The following MICAL2 variants were observed in gnomAD, a reference collection of about 807,000 sequenced individuals.
MICAL2 encodes the protein microtubule associated monooxygenase, calponin and LIM domain containing 2.
A neutral mutation model predicts 127.3 loss-of-function variants in MICAL2; 77 were observed. That is an observed-to-expected ratio of 0.60 (90% CI 0.50 to 0.73). The LOEUF (loss-of-function observed/expected upper bound fraction) is 0.73, where lower values mean the gene tolerates loss of function less well. Among genes scored for constraint, MICAL2 ranks in the 30% least tolerant of loss-of-function variants. The pLI is 0.00. For synonymous variants in MICAL2, 570 were observed against 551.1 expected, an observed-to-expected ratio of 1.03 and a Z score of -0.48; for missense variants, 1,351 against 1,434.4, an observed-to-expected ratio of 0.94 and a Z score of 0.94.
downstream of MICAL2, among the ~76,000 whole-genome samples, chr11:12,265,678 T>C (rs184682138): frequency 2.0e-5 from 3 of 152,298 alleles, no homozygotes; most frequent in Admixed American, 1.3e-4. Context: ...TTAATATTTG[T>C]TGATTAAAGA....
chr11:12,240,523 T>C (rs1258138601), intron 17 of MICAL2, among the ~76,000 whole-genome samples: 2 of 152,158 alleles, frequency 1.3e-5, no homozygotes, highest in Admixed American at 6.5e-5. Context: ...GGAATTTTAT[T>C]ATAAGGGGGC....
Position 12,239,574 on chromosome 11 carries a change from C to G in MICAL2, c.2203C>G (p.Leu735Val). The G allele has an allele frequency of 6.2e-7, 1 of 1,614,134 alleles. No individual in the cohort carries two copies. Among genetic ancestry groups the G allele is most frequent in the Non-Finnish European group, 8.5e-7 (1 of 1,179,990 alleles). The change falls in exon 17 of 28, where the codon CTC (leucine) becomes GTC (valine). Residue 735 changes from leucine to valine, a missense_variant. Leu to Val is a conservative substitution (Grantham distance 32, BLOSUM62 1). Coordinates refer to ENST00000683283, the MANE Select transcript of MICAL2 (RefSeq NM_001282663.2). Reference sequence around the variant, plus strand: ...TGAGGAGAGCACTCGGAACCCCTCACTCATGAAGCAGGTGAGTCATGTCAA... The same window carrying G: ...TGAGGAGAGCACTCGGAACCCCTCAGTCATGAAGCAGGTGAGTCATGTCAA... ...KFEESTRNPS[L>V]MKQERRVSGI... is the part of the protein sequence containing the mutation.
At position 12,191,471 on chromosome 11, in the gene MICAL2, CA is replaced by C. The variant is rs35378255; in HGVS notation, c.265-12763del. ...CGGGCAGCAGAGCAAGACTATGTCT[CA>C]AAAAAAAAAAAAAAATGTAGGCCAG... On this transcript the variant is annotated intron_variant, in intron 3 of 27. Coordinates refer to ENST00000683283, the MANE Select transcript of MICAL2 (RefSeq NM_001282663.2). 3.9e-3 allele frequency among the ~76,000 whole-genome samples: 517 copies of C among 133,510 alleles called. 4 individuals carry two copies. Among genetic ancestry groups the C allele is most frequent in the African/African-American group, 0.013 (445 of 35,030 alleles). 87.6% of individuals were successfully genotyped at this position (133,510 alleles called of 152,430 possible).
chr11:12,190,934 C>G (rs1350128926), intron 3 of MICAL2, among the ~76,000 whole-genome samples: 1 of 152,220 alleles, frequency 6.6e-6, no homozygotes, highest in Non-Finnish European at 1.5e-5. Context: ...AAGACAGTAT[C>G]TTCTTAAATA....
At chr11:12,344,949 A>T (rs1274641580) in intron 32 of MICAL2, among the ~76,000 whole-genome samples, 1 of 151,722 alleles carries the variant, frequency 6.6e-6, no homozygotes, top group Non-Finnish European at 1.5e-5. Context: ...GTACTAAAAA[A>T]AAAAGTACAA....
intron 3 of MICAL2, among the ~76,000 whole-genome samples, chr11:12,195,641 G>A (rs1430579758): frequency 6.6e-6 from 1 of 150,468 alleles, no homozygotes. Context: ...AATGCTATTT[G>A]GAAAACTAGA....
At chr11:12,207,869 A>C in intron 4 of MICAL2, 154 bp from the exon 5 acceptor site, 3 of 634,510 alleles carry the variant, frequency 4.7e-6, no homozygotes, top group East Asian at 2.6e-5. Context: ...GAGAAAACAC[A>C]GAGCTCTTGG....
At chr11:12,142,137 G>T (rs114913933) in intron 2 of MICAL2, among the ~76,000 whole-genome samples, 3 of 152,104 alleles carry the variant, frequency 2.0e-5, no homozygotes, top group African/African-American at 7.2e-5. Flanking sequence ...TTCAGCCACC[G>T]TGCCTTCCTC....
In MICAL2 at chr11:12,159,611, C is replaced by T. The variant is rs138053035; in HGVS notation, c.-77-2468C>T. Among the ~76,000 whole-genome samples, 685 of 152,334 alleles carry T rather than the reference C, an allele frequency of 4.5e-3. 7 individuals are homozygous for T. The highest frequency in any genetic ancestry group is 0.016 in the African/African-American group (666 of 41,568). ...CTTACAGTTTTCTCTGTACTGCTTG[C>T]CTGTCCTCAGAAAAGACTGTAGTGT... On this transcript the variant is annotated intron_variant, in intron 2 of 27. Coordinates refer to ENST00000683283, the MANE Select transcript of MICAL2 (RefSeq NM_001282663.2).
intron 29 of MICAL2, among the ~76,000 whole-genome samples, chr11:12,313,321 T>A (rs527896295): frequency 6.6e-6 from 1 of 152,308 alleles, no homozygotes; most frequent in African/African-American, 2.4e-5. Context: ...CTGGTTGTTA[T>A]GACCTGCCTT....
intron 3 of MICAL2, among the ~76,000 whole-genome samples, chr11:12,175,597 G>C (rs1350204724): frequency 6.6e-6 from 1 of 152,062 alleles, no homozygotes; most frequent in Non-Finnish European, 1.5e-5. Context: ...GTGTGTGTGT[G>C]TGTGTGTATG....
At chr11:12,188,663 T>A (rs1858648671) in intron 3 of MICAL2, among the ~76,000 whole-genome samples, 1 of 152,150 alleles carries the variant, frequency 6.6e-6, no homozygotes, top group Non-Finnish European at 1.5e-5. Context: ...ATTGGAGGGC[T>A]TAGGGCACAG....
rs777658654 is a variant in MICAL2 at position 12,162,369 on chromosome 11, C to T, written c.214C>T (p.Arg72Cys). 31 of 1,614,116 alleles carry T rather than the reference C, an allele frequency of 1.9e-5. No homozygotes were observed. The highest frequency in any genetic ancestry group is 4.0e-5 in the African/African-American group (3 of 74,944). Residue 72 changes from arginine to cysteine, a missense_variant, in exon 3 of 28, where the codon CGT becomes TGT. By Grantham distance (180) the Arg-to-Cys change is radical. Coordinates refer to ENST00000683283, the MANE Select transcript of MICAL2 (RefSeq NM_001282663.2). Reference protein sequence around the residue: ...AKALWYKLDKRGSHKEYKRGK... With the variant: ...AKALWYKLDKCGSHKEYKRGK... ...AGCCCTGTGGTACAAATTGGATAAG[C>T]GTGGTTCCCACAAAGAGTATAAGCG...
intron 3 of MICAL2, among the ~76,000 whole-genome samples, chr11:12,174,543 A>G (rs1048702700): frequency 6.6e-5 from 10 of 151,452 alleles, no homozygotes; most frequent in East Asian, 1.9e-4. Context: ...ATAATATTCT[A>G]TCCTATGTAT....
At chr11:12,230,675 T>A (rs967816229) in intron 15 of MICAL2, among the ~76,000 whole-genome samples, 4 of 151,822 alleles carry the variant, frequency 2.6e-5, no homozygotes, top group Admixed American at 2.0e-4. Context: ...CTTAAGAACC[T>A]CCCTCCCTGA....
intron 2 of MICAL2, among the ~76,000 whole-genome samples, chr11:12,153,907 G>A (rs1383409158): frequency 6.6e-6 from 1 of 152,172 alleles, no homozygotes; most frequent in Admixed American, 6.5e-5. Context: ...AGGTTTTGTT[G>A]GTAAGATGAG....
chr11:12,156,891 G>A (rs1854248539), intron 2 of MICAL2, among the ~76,000 whole-genome samples: 1 of 152,258 alleles, frequency 6.6e-6, no homozygotes, highest in Admixed American at 6.5e-5. Context: ...CGAGTGTGGG[G>A]GGAACACCCC....
At chr11:12,221,267 C>A (rs1357772503) in intron 9 of MICAL2, among the ~76,000 whole-genome samples, 1 of 152,186 alleles carries the variant, frequency 6.6e-6, no homozygotes, top group Non-Finnish European at 1.5e-5. Flanking sequence ...TTCCAACCAC[C>A]ATGCCTTTGC....
downstream of MICAL2, among the ~76,000 whole-genome samples, chr11:12,359,352 G>T: frequency 6.8e-6 from 1 of 147,972 alleles, no homozygotes; most frequent in East Asian, 2.0e-4. Flanking sequence ...AAAAAAAAAA[G>T]AGGGGAACTT....
Sources: allele counts gnomAD v4.1 joint callset (sites outside exome capture counted in the v4.1 genomes callset), GRCh38; gene constraint gnomAD v4.1.1; transcripts MANE v1.5; gene names NCBI Gene and HGNC (gene_info 2026-07-23, HGNC 2026-07-21).